CFAP54: variants seen among roughly 807,000 people sequenced by gnomAD.
The protein encoded by CFAP54 is cilia and flagella associated protein 54.
CFAP54 carries 290 observed loss-of-function variants against 370.4 expected under a neutral mutation model. That is an observed-to-expected ratio of 0.78 (90% CI 0.71 to 0.86). The LOEUF is 0.86. Ranked by LOEUF, CFAP54 falls within the 40% of genes least tolerant of loss-of-function variation. The pLI is 0.00. For missense variants in CFAP54, 3,399 were observed against 3,528.7 expected, an observed-to-expected ratio of 0.96 and a Z score of 0.93; for synonymous variants, 1,206 against 1,236.5, an observed-to-expected ratio of 0.98 and a Z score of 0.52.
At chr12:96,505,011 T>C (rs1352168132) in intron 3 of CFAP54, among the ~76,000 whole-genome samples, 4 of 151,226 alleles carry the variant, frequency 2.6e-5, no homozygotes, top group Admixed American at 6.6e-5. Context: ...TCTTTCTTTC[T>C]TTCTTTTTCT....
chr12:96,610,747 G>A (rs894333886), intron 26 of CFAP54, among the ~76,000 whole-genome samples: 5 of 152,198 alleles, frequency 3.3e-5, no homozygotes, highest in East Asian at 1.9e-4. Context: ...TATATCCCGC[G>A]CATGGCTCAG....
At chr12:96,640,859 A>G (rs1380609346) in intron 32 of CFAP54, among the ~76,000 whole-genome samples, 2 of 152,274 alleles carry the variant, frequency 1.3e-5, no homozygotes, top group African/African-American at 4.8e-5. Flanking sequence ...GTGCTGGGAA[A>G]ACTGGCTAGC....
At chr12:96,784,679 A>G (rs1958612252) in intron 60 of CFAP54, 38 bp from the exon 61 acceptor site, 1 of 1,388,346 alleles carries the variant, frequency 7.2e-7, no homozygotes, top group South Asian at 1.5e-5. Flanking sequence ...AAAGCATAAT[A>G]TAATATTGTA....
At position 96,792,623 on chromosome 12, in the gene CFAP54, T is replaced by A. The variant is rs980999044; in HGVS notation, c.8850+124T>A. ...GATGAGAACAGGTATCAATATATAA[T>A]CTACATTGTCTAGTAGAATAAATTT... On this transcript the variant is annotated intron_variant, in intron 63 of 67. Coordinates refer to ENST00000524981, the MANE Select transcript of CFAP54 (RefSeq NM_001306084.2). 9 of 610,534 alleles carry A rather than the reference T, an allele frequency of 1.5e-5. No homozygotes were observed. In the South Asian group the frequency reaches 3.5e-4, roughly 24 times the overall value. The allele number at this position is 610,534 out of a possible 1,614,324, so 37.8% of individuals were successfully genotyped here.
At chr12:96,621,875 GTTTTTTTTTTTTTTTT>G (rs71068819) in intron 27 of CFAP54, among the ~76,000 whole-genome samples, 154 bp downstream of exon 27, 870 of 50,096 alleles carry the variant, frequency 0.017, 15 homozygotes, top group South Asian at 0.074. Flanking sequence ...TTTTGGGTTT[GTTTTTTTTTTTTTTTT>G]TTTTTTTTTT....
intron 8 of CFAP54, among the ~76,000 whole-genome samples, chr12:96,522,663 G>C (rs2136370482): frequency 1.3e-5 from 2 of 152,314 alleles, no homozygotes; most frequent in Admixed American, 1.3e-4. Context: ...ACCTCAGGTG[G>C]CTTAAAACAA....
intron 28 of CFAP54, among the ~76,000 whole-genome samples, chr12:96,624,342 A>G (rs1274906949): frequency 6.6e-6 from 1 of 152,188 alleles, no homozygotes; most frequent in African/African-American, 2.4e-5. Context: ...GGGTGGCACA[A>G]AAATCACTGC....
chr12:96,535,422 A>ATT (rs11453356), intron 11 of CFAP54, 93 bp from the exon 12 acceptor site: 112 of 735,758 alleles, frequency 1.5e-4, no homozygotes, highest in Middle Eastern at 4.7e-4. Flanking sequence ...CATTTGTGTC[A>ATT]TTTTTTTAGC....
At chr12:96,752,989 G>T (rs558058271) in intron 55 of CFAP54, among the ~76,000 whole-genome samples, 10 of 152,290 alleles carry the variant, frequency 6.6e-5, no homozygotes, top group African/African-American at 2.4e-4. Flanking sequence ...GAGTTGCGGG[G>T]ATCATATGAG....
At chr12:96,679,456 A>G in intron 39 of CFAP54, 144 bp from the exon 40 acceptor site, 1 of 692,514 alleles carries the variant, frequency 1.4e-6, no homozygotes, top group Middle Eastern at 4.7e-4. Context: ...CTGAATGTTG[A>G]AACACCTGCT....
At chr12:96,822,233 C>G (rs1959042642) in intron 65 of CFAP54, among the ~76,000 whole-genome samples, 1 of 151,956 alleles carries the variant, frequency 6.6e-6, no homozygotes, top group Admixed American at 6.6e-5. Context: ...GTCAGGTGTT[C>G]TAAAGCATAT....
chr12:96,554,459 G>A, intron 16 of CFAP54, 149 bp downstream of exon 16: 2 of 1,136,554 alleles, frequency 1.8e-6, no homozygotes, highest in East Asian at 2.7e-5. Context: ...AGAGAGCTAG[G>A]AGAATGAGGA....
chr12:96,699,934 TTTAA>T (rs1957474184), intron 45 of CFAP54, 33 bp from the exon 46 acceptor site: 1 of 1,492,260 alleles, frequency 6.7e-7, no homozygotes, highest in Non-Finnish European at 9.1e-7. Context: ...AAACAAATTG[TTTAA>T]TTAAGTACCT....
At chr12:96,700,467 T>A (rs1421870109) in intron 46 of CFAP54, among the ~76,000 whole-genome samples, 1 of 152,224 alleles carries the variant, frequency 6.6e-6, no homozygotes, top group Non-Finnish European at 1.5e-5. Context: ...TCTTTCCTTA[T>A]GTCTTATTTG....
intron 50 of CFAP54, among the ~76,000 whole-genome samples, chr12:96,730,218 A>C (rs1338839012): frequency 6.6e-6 from 1 of 152,210 alleles, no homozygotes; most frequent in East Asian, 1.9e-4. Context: ...TGAAATGCAG[A>C]AACCCTGAGA....
rs1157966578 is a variant in CFAP54, at chr12:96,559,752, G to T, written c.2411-4716G>T. 3.3e-5 allele frequency among the ~76,000 whole-genome samples: 5 copies of T among 152,164 alleles called. No homozygotes were observed. In the East Asian group the frequency reaches 9.6e-4, roughly 29 times the overall value. On this transcript the variant is annotated intron_variant, in intron 17 of 67. Transcript: ENST00000524981. ...TTTACCCCTGAAAACTGTAGCATTTGTCAGCTAATAATGAGGACATTCTCT... is the reference window on the plus strand; with the variant it reads ...TTTACCCCTGAAAACTGTAGCATTTTTCAGCTAATAATGAGGACATTCTCT...
At chr12:96,511,323 T>G (rs1004810405) in intron 4 of CFAP54, among the ~76,000 whole-genome samples, 4 of 152,138 alleles carry the variant, frequency 2.6e-5, no homozygotes, top group South Asian at 4.1e-4. Context: ...AACTTTTTAT[T>G]TATTTATTTT....
chr12:96,670,489 T>C (rs1322637686), intron 39 of CFAP54, among the ~76,000 whole-genome samples: 1 of 152,204 alleles, frequency 6.6e-6, no homozygotes, highest in Non-Finnish European at 1.5e-5. Context: ...TGTTGACATT[T>C]CATTGACCAC....
At chr12:96,660,291 T>C (rs1956978972) in intron 38 of CFAP54, among the ~76,000 whole-genome samples, 1 of 152,190 alleles carries the variant, frequency 6.6e-6, no homozygotes, top group Admixed American at 6.5e-5. Flanking sequence ...AAGAGGAGGC[T>C]GCTCCTTCCG....
Sources: gnomAD v4.1 joint callset for allele counts (sites outside exome capture counted in the v4.1 genomes callset) on GRCh38, gnomAD v4.1.1 for gene constraint, MANE v1.5 for transcripts, NCBI Gene and HGNC (gene_info 2026-07-23, HGNC 2026-07-21) for gene names.